TULP4: variants seen among roughly 807,000 people sequenced by gnomAD.
The protein encoded by TULP4 is tubby-related protein 4.
In TULP4, 16 loss-of-function variants were observed where a neutral mutation model predicts 129.0. The observed-to-expected ratio is 0.12, with a 90% CI of 0.08 to 0.19. The LOEUF (loss-of-function observed/expected upper bound fraction) is 0.19. TULP4 is among the 10% of genes least tolerant of loss of function. The pLI is 1.00. For missense variants in TULP4, 1,842 were observed against 2,059.1 expected, an observed-to-expected ratio of 0.89 and a Z score of 2.04; for synonymous variants, 998 against 854.0, an observed-to-expected ratio of 1.17 and a Z score of -2.94.
chr6:158,312,413 A>T, upstream of TULP4: 1 of 291,738 alleles, frequency 3.4e-6, no homozygotes, highest in Non-Finnish European at 6.2e-6. Context: ...AATATTCTCC[A>T]GTTTAAAGAA....
At chr6:158,436,566 G>A (rs865969238) in intron 3 of TULP4, among the ~76,000 whole-genome samples, 1 of 152,188 alleles carries the variant, frequency 6.6e-6, no homozygotes, top group African/African-American at 2.4e-5. Context: ...GAAGGCAGTT[G>A]TTTTTGAAAT....
chr6:158,485,972 C>T (rs576971518), intron 8 of TULP4, among the ~76,000 whole-genome samples: 1 of 152,300 alleles, frequency 6.6e-6, no homozygotes, highest in Admixed American at 6.5e-5. Flanking sequence ...ACCTCAGGTC[C>T]CATCCATACT....
intron 2 of TULP4, among the ~76,000 whole-genome samples, chr6:158,421,136 C>T (rs563170242): frequency 2.6e-5 from 4 of 152,076 alleles, no homozygotes; most frequent in South Asian, 2.1e-4. Context: ...CTGAGGTGGG[C>T]GGATCACGAG....
chr6:158,281,714 C>G (rs759938356), upstream of TULP4, among the ~76,000 whole-genome samples: 3 of 152,120 alleles, frequency 2.0e-5, no homozygotes, highest in African/African-American at 4.8e-5. Context: ...ATTAACCTAG[C>G]CCTTAAAACA....
At chr6:158,491,472 TTTTC>T (rs201892013) in intron 9 of TULP4, among the ~76,000 whole-genome samples, 5,867 of 37,912 alleles carry the variant, frequency 0.15, 188 homozygotes, top group African/African-American at 0.31. Flanking sequence ...TCTTTCTTTC[TTTTC>T]TTTCTTTCTT....
chr6:158,372,650 A>G (rs995203522), intron 1 of TULP4, among the ~76,000 whole-genome samples: 2 of 152,200 alleles, frequency 1.3e-5, no homozygotes, highest in Non-Finnish European at 2.9e-5. Context: ...AGCATTTTAT[A>G]TACTCTGGCT....
intron 5 of TULP4, among the ~76,000 whole-genome samples, chr6:158,460,537 A>C (rs554414743): frequency 1.3e-5 from 2 of 152,346 alleles, no homozygotes; most frequent in African/African-American, 4.8e-5. Context: ...TCTCATTGGG[A>C]TAAGATAAAC....
intron 1 of TULP4, among the ~76,000 whole-genome samples, chr6:158,255,235 G>A (rs1778222937): frequency 6.6e-6 from 1 of 152,102 alleles, no homozygotes; most frequent in South Asian, 2.1e-4. Context: ...GACACTGTTG[G>A]GGACCAGAGC....
chr6:158,335,878 G>C (rs1468279713), intron 1 of TULP4, among the ~76,000 whole-genome samples: 1 of 152,194 alleles, frequency 6.6e-6, no homozygotes, highest in African/African-American at 2.4e-5. Context: ...GGGAGTTCCT[G>C]TATTTTGCAA....
chr6:158,486,917 C>T lies in TULP4; in HGVS notation c.1487-2671C>T, dbSNP rs150946105. Among the ~76,000 whole-genome samples, 218 of 152,232 alleles carry T rather than the reference C, an allele frequency of 1.4e-3. 1 individual carries two copies. The highest frequency in any genetic ancestry group is 5.0e-3 in the African/African-American group (208 of 41,552). ...CCTGAGCTCAGTAGTTCAAGACCAG[C>T]CTGGGCAACACGGTGAAACCCTGTC... On this transcript the variant is annotated intron_variant, in intron 8 of 13. Coordinates refer to ENST00000367097, the MANE Select transcript of TULP4 (RefSeq NM_020245.5).
At chr6:158,340,544 C>T (rs1780156402) in intron 1 of TULP4, among the ~76,000 whole-genome samples, 1 of 152,120 alleles carries the variant, frequency 6.6e-6, no homozygotes, top group Admixed American at 6.5e-5. Context: ...CCAAACCAGG[C>T]CCTGCACCTG....
chr6:158,415,696 G>A (rs923861374), intron 2 of TULP4, among the ~76,000 whole-genome samples: 1 of 151,730 alleles, frequency 6.6e-6, no homozygotes, highest in African/African-American at 2.4e-5. Context: ...AAAGTTAGCA[G>A]TCTCAGGCAG....
chr6:158,251,901 A>AGC (rs1234360628), intron 1 of TULP4, among the ~76,000 whole-genome samples: 1 of 152,228 alleles, frequency 6.6e-6, no homozygotes, highest in Non-Finnish European at 1.5e-5. Flanking sequence ...GAAAGGTTTT[A>AGC]GATTCTAGAA....
chr6:158,287,405 G>A (rs1269324819), intron 1 of TULP4, among the ~76,000 whole-genome samples: 4 of 152,066 alleles, frequency 2.6e-5, no homozygotes, highest in East Asian at 1.9e-4. Flanking sequence ...TTTTAACACC[G>A]TATACAAATA....
chr6:158,341,664 T>C (rs1780183718), intron 1 of TULP4, among the ~76,000 whole-genome samples: 1 of 152,236 alleles, frequency 6.6e-6, no homozygotes, highest in South Asian at 2.1e-4. Flanking sequence ...TGATTAGTGA[T>C]GTTGGGCATT....
At chr6:158,325,089 G>A (rs1779716499) in intron 1 of TULP4, among the ~76,000 whole-genome samples, 1 of 152,176 alleles carries the variant, frequency 6.6e-6, no homozygotes, top group Non-Finnish European at 1.5e-5. Flanking sequence ...CGTATTCCAA[G>A]ACCATAAGAA....
intron 2 of TULP4, among the ~76,000 whole-genome samples, chr6:158,420,178 T>C (rs1433829956): frequency 1.3e-5 from 2 of 152,200 alleles, no homozygotes; most frequent in Non-Finnish European, 2.9e-5. Flanking sequence ...TTGACAAAAT[T>C]TAAAATTTGA....
chr6:158,253,401 C>T (rs1321651694), intron 1 of TULP4, among the ~76,000 whole-genome samples: 1 of 152,144 alleles, frequency 6.6e-6, no homozygotes, highest in Non-Finnish European at 1.5e-5. Context: ...CCTGTCTCTG[C>T]CCTGCCGTAA....
intron 1 of TULP4, among the ~76,000 whole-genome samples, chr6:158,367,319 A>C (rs1021438153): frequency 2.6e-5 from 4 of 152,200 alleles, no homozygotes; most frequent in South Asian, 2.1e-4. Context: ...TAGGAGGAGG[A>C]GTCGTCAGCC....
Sources: gnomAD v4.1 joint callset for allele counts (sites outside exome capture counted in the v4.1 genomes callset) on GRCh38, gnomAD v4.1.1 for gene constraint, MANE v1.5 for transcripts, NCBI Gene and HGNC (gene_info 2026-07-23, HGNC 2026-07-21) for gene names.